C4orf50: variants seen among roughly 807,000 people sequenced by gnomAD.
C4orf50 encodes chromosome 4 open reading frame 50.
In C4orf50, 80 loss-of-function variants were observed where a neutral mutation model predicts 77.2. That is an observed-to-expected ratio of 1.04 (90% CI 0.87 to 1.25). The LOEUF (loss-of-function observed/expected upper bound fraction) is 1.25, where lower values mean the gene tolerates loss of function less well. C4orf50 is among the 50% of genes most tolerant of loss of function. The pLI, the probability that C4orf50 is intolerant of heterozygous loss-of-function variation, is 0.00. For missense variants in C4orf50, 1,257 were observed against 1,152.9 expected, an observed-to-expected ratio of 1.09 and a Z score of -1.31; for synonymous variants, 532 against 465.3, an observed-to-expected ratio of 1.14 and a Z score of -1.84.
At chr4:5,950,058 G>A (rs1265270547) in intron 7 of C4orf50, among the ~76,000 whole-genome samples, 3 of 151,232 alleles carry the variant, frequency 2.0e-5, no homozygotes, top group East Asian at 1.9e-4. Context: ...AAAAGTTGGC[G>A]CAAAAAATTG....
At chr4:5,961,412 G>C (rs965161416) in intron 33 of C4orf50, among the ~76,000 whole-genome samples, 1 of 152,160 alleles carries the variant, frequency 6.6e-6, no homozygotes, top group African/African-American at 2.4e-5. Context: ...CAGTTTCCTA[G>C]GATTCAGTCT....
intron 31 of C4orf50, among the ~76,000 whole-genome samples, chr4:5,968,475 C>T (rs1280725950): frequency 1.3e-5 from 2 of 152,318 alleles, no homozygotes; most frequent in African/African-American, 4.8e-5. Context: ...GGCACAATGC[C>T]TGCTCCTGAA....
chr4:5,980,075 TGG>T, intron 29 of C4orf50, 97 bp downstream of exon 7: 1 of 963,070 alleles, frequency 1.0e-6, no homozygotes. Flanking sequence ...CCCAACTGGC[TGG>T]GTCAAGAAGA....
chr4:5,942,788 C>T (rs995452714), intron 7 of C4orf50, among the ~76,000 whole-genome samples: 8 of 152,170 alleles, frequency 5.3e-5, no homozygotes, highest in African/African-American at 1.9e-4. Context: ...TATAAAATAG[C>T]ATGTCAATAC....
At chr4:5,976,803 T>C (rs895274069) in intron 29 of C4orf50, among the ~76,000 whole-genome samples, 1 of 152,196 alleles carries the variant, frequency 6.6e-6, no homozygotes, top group African/African-American at 2.4e-5. Context: ...TAAACTAATG[T>C]TACTATTAGG....
At chr4:5,967,068 T>C (rs1719617716) in intron 32 of C4orf50, among the ~76,000 whole-genome samples, 1 of 152,220 alleles carries the variant, frequency 6.6e-6, no homozygotes, top group Admixed American at 6.5e-5. Context: ...TCATTAACAA[T>C]ACTGAGGGTT....
At chr4:5,912,090 C>A (rs28522002) in intron 7 of C4orf50, among the ~76,000 whole-genome samples, 6,733 of 49,630 alleles carry the variant, frequency 0.14, 212 homozygotes, top group Middle Eastern at 0.28. Flanking sequence ...CAAACAAACA[C>A]AAACAAACAA....
chr4:5,920,425 G>A (rs1209920198), intron 7 of C4orf50, among the ~76,000 whole-genome samples: 1 of 151,768 alleles, frequency 6.6e-6, no homozygotes, highest in Non-Finnish European at 1.5e-5. Context: ...CTTCATGCTG[G>A]TTGTGATGAT....
At position 5,900,126 on chromosome 4, in the gene C4orf50, CA is replaced by C. The variant is rs1716282047; in HGVS notation, c.*2475-1939del. The C allele has an allele frequency of 6.6e-6, 1 of 152,156 alleles. No homozygotes were observed. The highest frequency in any genetic ancestry group is 2.4e-5 in the African/African-American group (1 of 41,442). 9.4% of individuals were successfully genotyped at this position (152,156 alleles called of 1,614,324 possible). ...GTTTCACGTTTCAGACCTAGAATTT[CA>C]CCCTGGAACCAAAGGGGAACTGTGA... On this transcript the variant is annotated intron_variant, in intron 7 of 7. Coordinates refer to the C4orf50 transcript ENST00000324058. This position sits in a 1 kb window ranked among gnomAD's most constrained non-coding sequence, Gnocchi z 4.3.
At chr4:5,982,692 G>A (rs1720657390) in intron 28 of C4orf50, among the ~76,000 whole-genome samples, 1 of 152,094 alleles carries the variant, frequency 6.6e-6, no homozygotes, top group African/African-American at 2.4e-5. Flanking sequence ...TACCAAAATG[G>A]TATCATTGAA....
chr4:5,987,433 A>AAAG (rs1720934001), intron 28 of C4orf50, among the ~76,000 whole-genome samples: 2 of 149,594 alleles, frequency 1.3e-5, no homozygotes, highest in Non-Finnish European at 3.0e-5. Flanking sequence ...AAAAAAAAAA[A>AAAG]AAGAATACAA....
At chr4:5,997,016 C>G (rs16838037) in intron 25 of C4orf50, among the ~76,000 whole-genome samples, 9,861 of 151,454 alleles carry the variant, frequency 0.065, 344 homozygotes, top group African/African-American at 0.076. Flanking sequence ...ATCAAAGAAA[C>G]GAAGTGAAAG....
At chr4:5,959,129 G>A in exon 34 of C4orf50, 1 of 503,452 alleles carries the variant, frequency 2.0e-6, no homozygotes, top group Non-Finnish European at 3.6e-6. Flanking sequence ...AATAGGTTTT[G>A]GTACAGTAAA....
intron 7 of C4orf50, among the ~76,000 whole-genome samples, chr4:5,909,779 A>G (rs1323936164): frequency 6.6e-6 from 1 of 152,164 alleles, no homozygotes; most frequent in Non-Finnish European, 1.5e-5. Context: ...TCCCCAATGT[A>G]TGTTCTTGGC....
At chr4:6,003,579 G>A (rs1345071578) in intron 25 of C4orf50, among the ~76,000 whole-genome samples, 2 of 126,516 alleles carry the variant, frequency 1.6e-5, no homozygotes, top group Non-Finnish European at 3.5e-5. Flanking sequence ...TGGTGATGAT[G>A]TGATGGTGAT....
chr4:5,958,082 G>A lies in C4orf50; in HGVS notation c.*1293C>T, dbSNP rs1185929424. ...GTCACTTCCAGGAGAGGACAGAATTGGACAGGTAGCGGCTTTGGCCTTTCC... is the reference window on the plus strand; with the variant it reads ...GTCACTTCCAGGAGAGGACAGAATTAGACAGGTAGCGGCTTTGGCCTTTCC... On this transcript the variant is annotated 3_prime_UTR_variant, in exon 34 of 34. Coordinates refer to ENST00000531445, the Ensembl canonical transcript of C4orf50. This position sits in a 1 kb window ranked among gnomAD's most constrained non-coding sequence, Gnocchi z 5.4. 1.3e-5 allele frequency: 2 copies of A among 152,348 alleles called. No individual in the cohort carries two copies. Among genetic ancestry groups the A allele is most frequent in the East Asian group, 3.9e-4 (2 of 5,176 alleles). 9.4% of individuals were successfully genotyped at this position (152,348 alleles called of 1,614,324 possible).
chr4:5,930,481 C>T (rs557625728), intron 7 of C4orf50, among the ~76,000 whole-genome samples: 1 of 152,318 alleles, frequency 6.6e-6, no homozygotes, highest in Admixed American at 6.5e-5. Flanking sequence ...CTGACCACTT[C>T]ATAAAGTTGC....
intron 7 of C4orf50, among the ~76,000 whole-genome samples, chr4:5,907,382 C>T (rs1716602752): frequency 6.6e-6 from 1 of 152,124 alleles, no homozygotes; most frequent in African/African-American, 2.4e-5. Flanking sequence ...TTATAGATAT[C>T]CAACATCTGA....
intron 25 of C4orf50, among the ~76,000 whole-genome samples, chr4:6,003,969 A>G: frequency 2.4e-5 from 3 of 122,768 alleles, no homozygotes; most frequent in South Asian, 2.9e-4. Flanking sequence ...TGATGATGTG[A>G]TGGCGATGAT....
Sources: gnomAD v4.1 joint callset for allele counts (sites outside exome capture counted in the v4.1 genomes callset) on GRCh38, gnomAD v4.1.1 for gene constraint, Gnocchi (gnomAD v3.1) non-coding constraint, MANE v1.5 for transcripts, NCBI Gene and HGNC (gene_info 2026-07-23, HGNC 2026-07-21) for gene names.